SUCLG2: variants seen among roughly 807,000 people sequenced by gnomAD.
SUCLG2 encodes succinate-CoA ligase GDP-forming subunit beta, also known as succinate--CoA ligase [GDP-forming] subunit beta, mitochondrial.
SUCLG2 carries 42 observed loss-of-function variants against 47.9 expected under a neutral mutation model. The ratio of observed to expected loss-of-function variants is 0.88; its 90% CI spans 0.69 to 1.14. SUCLG2 has a LOEUF of 1.14. Ranked by LOEUF, SUCLG2 falls within the 50% of genes most tolerant of loss-of-function variation. SUCLG2 has a pLI of 0.00. For missense variants in SUCLG2, 571 were observed against 525.9 expected, an observed-to-expected ratio of 1.09 and a Z score of -0.84; for synonymous variants, 195 against 197.3, an observed-to-expected ratio of 0.99 and a Z score of 0.10.
intron 2 of SUCLG2, among the ~76,000 whole-genome samples, chr3:67,594,700 C>T (rs760762812): frequency 2.4e-4 from 37 of 152,130 alleles, no homozygotes; most frequent in Non-Finnish European, 4.9e-4. Context: ...TTGAATGGTA[C>T]CCAAAAGCTC....
intron 1 of SUCLG2, among the ~76,000 whole-genome samples, chr3:67,638,494 T>G (rs555178964): frequency 6.6e-6 from 1 of 152,200 alleles, no homozygotes; most frequent in East Asian, 1.9e-4. Context: ...CACAGTTCTT[T>G]TGCCTTACCT....
chr3:67,581,305 C>G (rs923352630), intron 2 of SUCLG2, among the ~76,000 whole-genome samples: 15 of 152,154 alleles, frequency 9.9e-5, no homozygotes, highest in African/African-American at 3.6e-4. Flanking sequence ...TTTGTTAATA[C>G]TGAAAATAAG....
At chr3:67,507,492 T>C (rs954506940) in intron 7 of SUCLG2, among the ~76,000 whole-genome samples, 2 of 150,676 alleles carry the variant, frequency 1.3e-5, no homozygotes, top group African/African-American at 2.5e-5. Context: ...CTCTATGAGC[T>C]AGACATCATT....
chr3:67,618,747 G>A (rs1700676183), intron 1 of SUCLG2, among the ~76,000 whole-genome samples: 1 of 152,142 alleles, frequency 6.6e-6, no homozygotes, highest in African/African-American at 2.4e-5. Context: ...CCATTTTAAA[G>A]TATGAACAAA....
chr3:67,469,474 A>T (rs1704550631), intron 9 of SUCLG2, among the ~76,000 whole-genome samples: 1 of 152,214 alleles, frequency 6.6e-6, no homozygotes, highest in African/African-American at 2.4e-5. Context: ...TCACGCCTGT[A>T]ATTATAGCAC....
intron 2 of SUCLG2, among the ~76,000 whole-genome samples, chr3:67,564,784 C>T (rs1028952): frequency 0.21 from 32,642 of 152,082 alleles, 3,776 homozygotes; most frequent in East Asian, 0.44. Context: ...TCCACTATGG[C>T]CCAAGGAAGC....
chr3:67,556,799 CA>C (rs1437404895), intron 2 of SUCLG2, among the ~76,000 whole-genome samples: 1 of 152,136 alleles, frequency 6.6e-6, no homozygotes, highest in African/African-American at 2.4e-5. Flanking sequence ...GGCCGGATAA[CA>C]AGATGTTTTT....
intron 4 of SUCLG2, among the ~76,000 whole-genome samples, chr3:67,526,960 T>A (rs762251798): frequency 6.6e-6 from 1 of 152,100 alleles, no homozygotes; most frequent in Non-Finnish European, 1.5e-5. Context: ...TTAAACAAAC[T>A]GTGGTAGGTA....
In SUCLG2 at chr3:67,559,959, T is replaced by C. The variant is rs376492323; in HGVS notation, c.227-30773A>G. On this transcript the variant is annotated intron_variant, in intron 2 of 10. Transcript: ENST00000307227. The stretch of plus-strand genomic sequence containing the variant: ...GGGGGATGTTGGTATTGGGGGAGGC[T>C]GTGCAGTTGTCGGGGGAGGGGTATA... Among the ~76,000 whole-genome samples, 630 of 150,508 alleles carry C rather than the reference T, an allele frequency of 4.2e-3. 5 individuals carry two copies. The highest frequency in any genetic ancestry group is 0.01 in the Middle Eastern group (3 of 288).
intron 1 of SUCLG2, among the ~76,000 whole-genome samples, chr3:67,624,037 C>A (rs928975048): frequency 5.3e-5 from 8 of 152,242 alleles, no homozygotes; most frequent in Non-Finnish European, 1.2e-4. Flanking sequence ...TCCAATAAAT[C>A]CAGATGAAAG....
At chr3:67,442,661 TA>T (rs1464155004) in intron 9 of SUCLG2, among the ~76,000 whole-genome samples, 2 of 152,222 alleles carry the variant, frequency 1.3e-5, no homozygotes, top group Admixed American at 1.3e-4. Flanking sequence ...ATTTAATTAC[TA>T]AATGCCAACC....
intron 9 of SUCLG2, among the ~76,000 whole-genome samples, chr3:67,441,259 G>A (rs192725338): frequency 1.3e-3 from 196 of 152,108 alleles, no homozygotes; most frequent in African/African-American, 4.5e-3. Context: ...ATAGCATTAG[G>A]ACAAATACCT....
intron 7 of SUCLG2, among the ~76,000 whole-genome samples, chr3:67,498,761 A>G (rs1209084878): frequency 1.3e-5 from 2 of 152,306 alleles, no homozygotes; most frequent in South Asian, 2.1e-4. Flanking sequence ...TTGAATCAGT[A>G]TCCTGTCTAG....
chr3:67,489,219 G>A (rs759584048), intron 9 of SUCLG2, among the ~76,000 whole-genome samples: 8 of 152,112 alleles, frequency 5.3e-5, no homozygotes, highest in Admixed American at 2.6e-4. Flanking sequence ...GGCAAGGAGG[G>A]CCAGATATTC....
chr3:67,454,899 T>C (rs1242741207), intron 9 of SUCLG2, among the ~76,000 whole-genome samples: 2 of 149,106 alleles, frequency 1.3e-5, no homozygotes, highest in African/African-American at 2.5e-5. Context: ...GAGGTGGAGC[T>C]TGTAGTGAGC....
chr3:67,510,593 A>G (rs183849273), intron 6 of SUCLG2, among the ~76,000 whole-genome samples: 166 of 152,228 alleles, frequency 1.1e-3, no homozygotes, highest in Non-Finnish European at 9.4e-4. Context: ...TTGTTCCAAT[A>G]CCTCTTTACT....
At chr3:67,506,212 TA>T (rs1266883394) in intron 7 of SUCLG2, among the ~76,000 whole-genome samples, 6 of 152,162 alleles carry the variant, frequency 3.9e-5, no homozygotes, top group Non-Finnish European at 7.4e-5. Flanking sequence ...AGCTTCTAAA[TA>T]AAAGATAGCT....
At chr3:67,475,689 G>A (rs369320410) in intron 9 of SUCLG2, among the ~76,000 whole-genome samples, 3 of 151,640 alleles carry the variant, frequency 2.0e-5, no homozygotes, top group African/African-American at 2.4e-5. Flanking sequence ...CCTCGCTTCC[G>A]CTGCCCCATA....
intron 2 of SUCLG2, among the ~76,000 whole-genome samples, chr3:67,530,569 T>TG (rs547188220): frequency 1.3e-5 from 2 of 152,274 alleles, no homozygotes; most frequent in African/African-American, 4.8e-5. Context: ...ATCAAGGCAA[T>TG]GGGGAGCTAC....
Sources: gnomAD v4.1 joint callset for allele counts (sites outside exome capture counted in the v4.1 genomes callset) on GRCh38, gnomAD v4.1.1 for gene constraint, MANE v1.5 for transcripts, NCBI Gene and HGNC (gene_info 2026-07-23, HGNC 2026-07-21) for gene names.